Variants in POM121 observed in about 807,000 individuals in gnomAD.
POM121 encodes nuclear envelope pore membrane protein POM 121.
POM121 carries 32 observed loss-of-function variants against 81.3 expected under a neutral mutation model. That is an observed-to-expected ratio of 0.39 (90% confidence interval 0.30 to 0.53). The LOEUF is 0.53. POM121 is among the 20% of genes least tolerant of loss of function. The pLI is 0.66. For missense variants in POM121, 1,138 were observed against 1,614.6 expected, an observed-to-expected ratio of 0.70 and a Z score of 5.06; for synonymous variants, 514 against 694.2, an observed-to-expected ratio of 0.74 and a Z score of 4.08.
intron 12 of POM121, 136 bp downstream of exon 12, chr7:72,945,844 C>T (rs1797637257): frequency 7.0e-7 from 1 of 1,438,802 alleles, no homozygotes; most frequent in African/African-American, 1.4e-5. Flanking sequence ...AGGAGTCCAG[C>T]ACAACCCAGG....
At chr7:72,899,395 C>G (rs554449323) in intron 3 of POM121, among the ~76,000 whole-genome samples, 1 of 151,998 alleles carries the variant, frequency 6.6e-6, no homozygotes, top group Admixed American at 6.6e-5. Context: ...ACTGTATCCC[C>G]AATACCTAGC....
chr7:72,912,516 C>T (rs1216058803), intron 3 of POM121, among the ~76,000 whole-genome samples: 5 of 152,114 alleles, frequency 3.3e-5, no homozygotes, highest in Non-Finnish European at 7.4e-5. Context: ...GTGGCTCACA[C>T]CTGTAATCCT....
chr7:72,945,319 A>G (rs1797569386), intron 11 of POM121, among the ~76,000 whole-genome samples: 1 of 151,966 alleles, frequency 6.6e-6, no homozygotes, highest in Admixed American at 6.6e-5. Flanking sequence ...AGCGATGGTC[A>G]GGAGGCCCAC....
chr7:72,898,979 C>CTTTTTTTTT (rs1176371162), intron 3 of POM121, among the ~76,000 whole-genome samples: 33 of 34,080 alleles, frequency 9.7e-4, no homozygotes, highest in Non-Finnish European at 1.3e-3. Flanking sequence ...CTTTTCTTTT[C>CTTTTTTTTT]TTTTTTTTTT....
At chr7:72,882,661 G>A (rs1290397900) in intron 1 of POM121, among the ~76,000 whole-genome samples, 1 of 152,068 alleles carries the variant, frequency 6.6e-6, no homozygotes, top group African/African-American at 2.4e-5. Flanking sequence ...TTGAGTCCTA[G>A]ATCATGGGGG....
chr7:72,948,830 T>C (rs553259500), downstream of POM121: 33 of 1,543,342 alleles, frequency 2.1e-5, no homozygotes, highest in Non-Finnish European at 2.9e-5. Context: ...ACAGCCCCAA[T>C]GCTGGGTAAG....
intron 4 of POM121, 52 bp from the exon 5 acceptor site, chr7:72,929,888 G>A (rs1376784212): frequency 1.1e-5 from 16 of 1,502,152 alleles, no homozygotes; most frequent in African/African-American, 5.6e-5. Flanking sequence ...GGATGAAATC[G>A]TAAAAGAATT....
intron 3 of POM121, among the ~76,000 whole-genome samples, chr7:72,908,065 T>C (rs1330642733): frequency 1.3e-5 from 2 of 152,256 alleles, no homozygotes; most frequent in African/African-American, 4.8e-5. Context: ...TCCATTCTGC[T>C]ATTGAGTTCA....
chr7:72,936,580 T>C (rs1554499569), intron 5 of POM121, among the ~76,000 whole-genome samples: 1 of 152,110 alleles, frequency 6.6e-6, no homozygotes, highest in African/African-American at 2.4e-5. Flanking sequence ...CCCAGCTTGT[T>C]TTTGTATTTC....
At chr7:72,922,374 T>C (rs1379265292), upstream of POM121, among the ~76,000 whole-genome samples, 2 of 152,148 alleles carry the variant, frequency 1.3e-5, no homozygotes, top group Non-Finnish European at 1.5e-5. Context: ...ATCTTGTCTT[T>C]TCCCATATAG....
At chr7:72,891,103 T>C (rs1791254938) in exon 3 of POM121, 7 of 1,127,744 alleles carry the variant, frequency 6.2e-6, no homozygotes, top group African/African-American at 1.5e-5. Flanking sequence ...CATGTCAACA[T>C]AGTCCAGGTA....
chr7:72,926,018 G>A (rs1413934762), intron 1 of POM121, among the ~76,000 whole-genome samples: 3 of 152,108 alleles, frequency 2.0e-5, no homozygotes, highest in African/African-American at 7.2e-5. Flanking sequence ...CCTAGATGTA[G>A]TCTAGATTTA....
At chr7:72,928,913 C>T (rs1195646990) in intron 4 of POM121, among the ~76,000 whole-genome samples, 15 of 152,086 alleles carry the variant, frequency 9.9e-5, no homozygotes, top group African/African-American at 2.7e-4. Flanking sequence ...GTGATGTGGC[C>T]GCCAGGAAAG....
intron 5 of POM121, among the ~76,000 whole-genome samples, chr7:72,936,566 C>T (rs1194101385): frequency 2.0e-5 from 3 of 152,146 alleles, no homozygotes; most frequent in East Asian, 1.9e-4. Context: ...CGTCAGCCAC[C>T]GTGCCCAGCT....
In POM121 at chr7:72,895,727, C is replaced by T. The variant is rs535604881; in HGVS notation, c.-216+4617C>T. Among the ~76,000 whole-genome samples the T allele has an allele frequency of 2.0e-5, 3 of 152,038 alleles. No individual in the cohort carries two copies. In the South Asian group the frequency reaches 6.2e-4, roughly 32 times the overall value. On this transcript the variant is annotated intron_variant, in intron 3 of 15. Transcript: ENST00000395270. ...CTGAGGTCAGGAGTTCGAGACCACC[C>T]TGGCCAACCCGTCTCTACTAAATAT...
intron 1 of POM121, among the ~76,000 whole-genome samples, chr7:72,883,055 T>G (rs1790320591): frequency 6.6e-6 from 1 of 152,200 alleles, no homozygotes; most frequent in Non-Finnish European, 1.5e-5. Context: ...TTTTTCTTTT[T>G]TTGAGATAGG....
rs1797720250 is a variant in POM121, at chr7:72,946,680, T to C, written c.*446T>C. The C allele has an allele frequency of 4.1e-6, 4 of 977,360 alleles. No homozygotes were observed. Among genetic ancestry groups the C allele is most frequent in the Non-Finnish European group, 4.9e-6 (4 of 823,964 alleles). The allele number at this position is 977,360 out of a possible 1,614,324, so 60.5% of individuals were successfully genotyped here. A position where few individuals can be genotyped will look rare whatever the true frequency, so the allele number is the denominator to read the frequency against. ...GGCTATCCGTAAAGCTTTATCTTGC[T>C]TGGCTTAGCTGTGAGAAGTGGTTCT... On this transcript the variant is annotated 3_prime_UTR_variant, in exon 13 of 13. Transcript: ENST00000434423.
At chr7:72,893,021 C>A (rs2129574935) in intron 3 of POM121, among the ~76,000 whole-genome samples, 1 of 151,826 alleles carries the variant, frequency 6.6e-6, no homozygotes, top group East Asian at 2.0e-4. Flanking sequence ...TGCAGTGGCA[C>A]AATCTTGGCT....
intron 1 of POM121, among the ~76,000 whole-genome samples, chr7:72,889,043 A>G (rs1405113781): frequency 6.6e-6 from 1 of 151,820 alleles, no homozygotes. Flanking sequence ...CTGGTACTGG[A>G]TTTTGTTTGG....
Sources: allele counts gnomAD v4.1 joint callset (sites outside exome capture counted in the v4.1 genomes callset), GRCh38; gene constraint gnomAD v4.1.1; transcripts MANE v1.5; gene names NCBI Gene and HGNC (gene_info 2026-07-23, HGNC 2026-07-21).